Variants in ANO1 observed in about 807,000 individuals in gnomAD.
The protein encoded by ANO1 is anoctamin-1.
In ANO1, 59 loss-of-function variants were observed where a neutral mutation model predicts 124.0. The observed-to-expected ratio is 0.48, with a 90% CI of 0.39 to 0.59. The LOEUF is 0.59. ANO1 is among the 20% of genes least tolerant of loss of function. The pLI is 0.00. For missense variants in ANO1, 1,059 were observed against 1,328.0 expected, an observed-to-expected ratio of 0.80 and a Z score of 3.15; for synonymous variants, 529 against 532.0, an observed-to-expected ratio of 0.99 and a Z score of 0.08.
At chr11:70,186,298 G>C (rs548310504) in intron 25 of ANO1, among the ~76,000 whole-genome samples, 2 of 148,000 alleles carry the variant, frequency 1.4e-5, no homozygotes, top group Non-Finnish European at 3.0e-5. Context: ...AAAAAAGAGA[G>C]AGAGAGAAAA....
chr11:70,111,811 A>T (rs9666157), intron 7 of ANO1, 49 bp downstream of exon 7: 3 of 1,595,110 alleles, frequency 1.9e-6, no homozygotes, highest in East Asian at 2.2e-5. Flanking sequence ...TGACTCCCCA[A>T]ATCCCGCCGG....
intron 2 of ANO1, among the ~76,000 whole-genome samples, chr11:70,088,815 G>GT (rs2044502847): frequency 6.6e-6 from 1 of 152,210 alleles, no homozygotes; most frequent in Admixed American, 6.5e-5. Flanking sequence ...CGTCTGTAGA[G>GT]TGAGATGTGG....
chr11:70,109,989 C>T (rs1343606976), intron 6 of ANO1, among the ~76,000 whole-genome samples: 4 of 152,108 alleles, frequency 2.6e-5, no homozygotes, highest in African/African-American at 9.7e-5. Flanking sequence ...CGTCACCTGC[C>T]AAGTTGTGTC....
At chr11:69,974,515 G>A in the ANO1 span, among the ~76,000 whole-genome samples, 11 of 152,324 alleles carry the variant, frequency 7.2e-5, no homozygotes, top group South Asian at 6.2e-4. Flanking sequence ...TGCCCAAGAC[G>A]GCTGAGCTGG....
At chr11:70,035,904 T>G (rs1857085788) in intron 1 of ANO1, among the ~76,000 whole-genome samples, 1 of 152,226 alleles carries the variant, frequency 6.6e-6, no homozygotes, top group Non-Finnish European at 1.5e-5. Context: ...TGTGCCACAT[T>G]TTCTTTATCC....
At chr11:70,003,327 A>G (rs1475174244) in intron 1 of ANO1, among the ~76,000 whole-genome samples, 1 of 152,192 alleles carries the variant, frequency 6.6e-6, no homozygotes, top group East Asian at 1.9e-4. Flanking sequence ...CAATATTACA[A>G]TGGTTCAGCC....
intron 1 of ANO1, among the ~76,000 whole-genome samples, chr11:70,030,788 A>G (rs2375269): frequency 0.45 from 68,120 of 152,106 alleles, 15,465 homozygotes; most frequent in Admixed American, 0.49. Context: ...GGATGGGAAC[A>G]TGGACATCTC....
intron 1 of ANO1, among the ~76,000 whole-genome samples, chr11:70,065,925 G>T (rs1437960210): frequency 2.0e-5 from 3 of 152,014 alleles, no homozygotes; most frequent in Non-Finnish European, 4.4e-5. Flanking sequence ...ACACTCGCTA[G>T]CCCGCCGTCC....
intron 9 of ANO1, 25 bp downstream of exon 9, chr11:70,124,439 G>A (rs1328556857): frequency 6.2e-7 from 1 of 1,611,390 alleles, no homozygotes; most frequent in Non-Finnish European, 8.5e-7. Context: ...CAGCCTGCGG[G>A]AATCAAGTCC....
chr11:70,165,627 T>G, intron 20 of ANO1, 57 bp downstream of exon 20: 1 of 1,456,052 alleles, frequency 6.9e-7, no homozygotes, highest in Non-Finnish European at 9.4e-7. Flanking sequence ...GAGGGGTGTG[T>G]GGGTGGCTCC....
upstream of ANO1, among the ~76,000 whole-genome samples, chr11:69,984,280 A>G (rs2120262364): frequency 6.6e-6 from 1 of 151,982 alleles, no homozygotes; most frequent in Middle Eastern, 3.4e-3. Context: ...CCTGGGGCAC[A>G]CGTCCCGGGG....
chr11:70,043,577 G>A (rs1256319423), intron 1 of ANO1, among the ~76,000 whole-genome samples: 1 of 152,138 alleles, frequency 6.6e-6, no homozygotes, highest in Non-Finnish European at 1.5e-5. Context: ...ATTAAGAGCA[G>A]TCAGAGAAAA....
Position 70,167,404 on chromosome 11 carries a change from G to T in ANO1, c.2197+17G>T. On this transcript the variant is annotated intron_variant, in intron 21 of 25. Transcript: ENST00000355303. ...TGGAAATGAGTGAGTGATGGCCGGG[G>T]CAGGCAGGTGACATCAGGATAGAAA... 1 of 1,603,406 alleles carries T rather than the reference G, an allele frequency of 6.2e-7. No individual in the cohort carries two copies.
rs1190535739 is a variant in ANO1 at position 70,187,985 on chromosome 11, ACC to A, written c.2943_2944del (p.Tyr981Ter). On this transcript the variant is annotated stop_gained and frameshift_variant, in exon 26 of 26. Coordinates refer to ENST00000355303, the MANE Select transcript of ANO1 (RefSeq NM_018043.7). LOFTEE classifies it high-confidence loss of function. ...GGCAGCCCAGCCCCCAGCCATGCCT[ACC>A]ACGGGGGCGTCCTGTAGCTATGCCA... The A allele has an allele frequency of 1.3e-6, 2 of 1,566,910 alleles. No individual in the cohort carries two copies. The highest frequency in any genetic ancestry group is 2.7e-5 in the African/African-American group (2 of 73,842).
intron 11 of ANO1, among the ~76,000 whole-genome samples, chr11:70,143,136 T>G (rs976554955): frequency 2.0e-5 from 3 of 152,112 alleles, no homozygotes; most frequent in Non-Finnish European, 2.9e-5. Context: ...CCAGAGCTGG[T>G]GGGCTCAGGG....
chr11:70,054,406 C>T (rs1857401696), intron 1 of ANO1, among the ~76,000 whole-genome samples: 1 of 152,252 alleles, frequency 6.6e-6, no homozygotes, highest in African/African-American at 2.4e-5. Context: ...GGCACAGGCT[C>T]CTCACAGTGC....
intron 1 of ANO1, among the ~76,000 whole-genome samples, chr11:70,006,586 ACTTT>A (rs1463452617): frequency 1.2e-4 from 12 of 101,526 alleles, no homozygotes; most frequent in Non-Finnish European, 2.0e-4. Context: ...TTTCTTACTT[ACTTT>A]CTTTCTTTCC....
intron 1 of ANO1, among the ~76,000 whole-genome samples, chr11:69,991,964 C>T (rs1213077419): frequency 6.6e-6 from 1 of 152,242 alleles, no homozygotes; most frequent in Non-Finnish European, 1.5e-5. Context: ...GCTCAGCTCC[C>T]ACTTCTCTTA....
At chr11:70,106,115 G>T (rs915013123) in intron 5 of ANO1, among the ~76,000 whole-genome samples, 2 of 152,164 alleles carry the variant, frequency 1.3e-5, no homozygotes, top group Non-Finnish European at 2.9e-5. Flanking sequence ...TGGTGGGATT[G>T]TGCGTGCCTG....
Sources: allele counts gnomAD v4.1 joint callset (sites outside exome capture counted in the v4.1 genomes callset), GRCh38; gene constraint gnomAD v4.1.1; transcripts MANE v1.5; gene names NCBI Gene and HGNC (gene_info 2026-07-23, HGNC 2026-07-21).